The following FTO variants were observed in gnomAD, a reference collection of about 807,000 sequenced individuals.
FTO encodes the protein FTO alpha-ketoglutarate dependent dioxygenase.
In FTO, 47 loss-of-function variants were observed where a neutral mutation model predicts 63.9. The observed-to-expected ratio is 0.74, with a 90% confidence interval of 0.58 to 0.94. The LOEUF (loss-of-function observed/expected upper bound fraction) is 0.94, where lower values mean the gene tolerates loss of function less well. FTO is among the 40% of genes least tolerant of loss of function. FTO has a pLI of 0.00. For missense variants in FTO, 562 were observed against 618.1 expected (o/e 0.91, Z 0.96); for synonymous variants, 207 against 224.4 (o/e 0.92, Z 0.69).
chr16:53,968,044 C>A (rs757413955), intron 8 of FTO, among the ~76,000 whole-genome samples: 5 of 151,992 alleles, frequency 3.3e-5, no homozygotes, highest in Non-Finnish European at 5.9e-5. Context: ...TATTATGCAG[C>A]CTTCATATGT....
intron 8 of FTO, among the ~76,000 whole-genome samples, chr16:54,026,616 G>A (rs1333253196): frequency 6.6e-6 from 1 of 152,162 alleles, no homozygotes; most frequent in African/African-American, 2.4e-5. Context: ...GCAGTTTCTG[G>A]CACAACTCCC....
At chr16:53,769,926 A>G (rs903475443) in intron 1 of FTO, among the ~76,000 whole-genome samples, 11 of 152,070 alleles carry the variant, frequency 7.2e-5, no homozygotes, top group African/African-American at 2.7e-4. Flanking sequence ...AGAAGGGGAA[A>G]AGAGCTGCAG....
At chr16:53,901,811 C>G (rs2081410461) in intron 7 of FTO, among the ~76,000 whole-genome samples, 1 of 152,094 alleles carries the variant, frequency 6.6e-6, no homozygotes, top group African/African-American at 2.4e-5. Context: ...TTCTAAGGCA[C>G]AAGATGTTAA....
chr16:53,746,587 A>G lies in FTO; in HGVS notation c.45+42358A>G, dbSNP rs551720321. Among the ~76,000 whole-genome samples the G allele has an allele frequency of 2.0e-5, 3 of 152,286 alleles. No homozygotes were observed. In the South Asian group the frequency reaches 6.2e-4, roughly 32 times the overall value. On this transcript the variant is annotated intron_variant, in intron 1 of 8. Coordinates refer to ENST00000471389, the MANE Select transcript of FTO (RefSeq NM_001080432.3). Reference sequence around the variant, plus strand: ...AATCATTTTTTATTGTAAATTGCCAAATCATAGTTGTAAATATTATGGGAT... The same window carrying G: ...AATCATTTTTTATTGTAAATTGCCAGATCATAGTTGTAAATATTATGGGAT...
chr16:53,947,706 C>T (rs1376821866), intron 8 of FTO, among the ~76,000 whole-genome samples: 1 of 152,218 alleles, frequency 6.6e-6, no homozygotes, highest in Non-Finnish European at 1.5e-5. Context: ...TATTTCCTCA[C>T]ACGAAGTCTA....
intron 1 of FTO, among the ~76,000 whole-genome samples, chr16:53,795,753 A>G (rs1032404467): frequency 2.0e-5 from 3 of 152,258 alleles, no homozygotes; most frequent in African/African-American, 7.2e-5. Context: ...TACAAAACAA[A>G]AAAATGCCAA....
Position 54,060,833 on chromosome 16 carries a change from A to G in FTO, c.1365-50929A>G, listed in dbSNP as rs557852821. 2.0e-5 allele frequency among the ~76,000 whole-genome samples: 3 copies of G among 152,270 alleles called. No individual in the cohort carries two copies. In the South Asian group the frequency reaches 6.2e-4, roughly 32 times the overall value. ...CACTCCCTTGCTGCTATTCATATTT[A>G]CTTTCTATTCATCATTATCTGCCAT... On this transcript the variant is annotated intron_variant, in intron 8 of 8. Coordinates refer to ENST00000471389, the MANE Select transcript of FTO (RefSeq NM_001080432.3).
intron 7 of FTO, among the ~76,000 whole-genome samples, chr16:53,898,022 T>C (rs2081313945): frequency 6.6e-6 from 1 of 152,218 alleles, no homozygotes; most frequent in African/African-American, 2.4e-5. Flanking sequence ...AAATAGCCTC[T>C]CAACCAGCTT....
chr16:53,884,242 A>G (rs150507949), intron 6 of FTO, among the ~76,000 whole-genome samples: 1 of 152,328 alleles, frequency 6.6e-6, no homozygotes, highest in Non-Finnish European at 1.5e-5. Context: ...TATAAGCAGA[A>G]TCTTCTTCCA....
At chr16:53,902,828 A>G (rs1054673292) in intron 7 of FTO, among the ~76,000 whole-genome samples, 4 of 152,236 alleles carry the variant, frequency 2.6e-5, no homozygotes, top group African/African-American at 7.2e-5. Context: ...AAAGTTATCA[A>G]CGTGGCCGGG....
intron 1 of FTO, among the ~76,000 whole-genome samples, chr16:53,710,822 T>G (rs531344480): frequency 6.6e-6 from 1 of 152,326 alleles, no homozygotes; most frequent in East Asian, 1.9e-4. Context: ...GAATAGTGGC[T>G]TCCCTTTTAG....
At chr16:53,879,215 G>A (rs1337925633) in intron 5 of FTO, among the ~76,000 whole-genome samples, 1 of 152,096 alleles carries the variant, frequency 6.6e-6, no homozygotes, top group Non-Finnish European at 1.5e-5. Context: ...AGTATATATA[G>A]AAAATGTATT....
chr16:54,018,458 A>T lies in FTO; in HGVS notation c.1364+84349A>T, dbSNP rs1373383489. Among the ~76,000 whole-genome samples the T allele has an allele frequency of 2.0e-5, 3 of 151,948 alleles. No homozygotes were observed. In the East Asian group the frequency reaches 5.8e-4, roughly 29 times the overall value. ...CATACATACATACATACATTCATTCATGTGTTTGTGTGTGTGTATGTGTGT... is the reference window on the plus strand; with the variant it reads ...CATACATACATACATACATTCATTCTTGTGTTTGTGTGTGTGTATGTGTGT... On this transcript the variant is annotated intron_variant, in intron 8 of 8. Coordinates refer to ENST00000471389, the MANE Select transcript of FTO (RefSeq NM_001080432.3).
intron 1 of FTO, among the ~76,000 whole-genome samples, chr16:53,735,068 G>A (rs1372922156): frequency 1.3e-5 from 2 of 152,204 alleles, no homozygotes; most frequent in Admixed American, 6.5e-5. Context: ...TAGCAGGGAA[G>A]CAGAATGAAT....
chr16:53,947,315 A>G (rs944397175), intron 8 of FTO, among the ~76,000 whole-genome samples: 2 of 152,192 alleles, frequency 1.3e-5, no homozygotes, highest in Non-Finnish European at 2.9e-5. Flanking sequence ...AGCTGTCTGT[A>G]TTCATTACTT....
intron 1 of FTO, among the ~76,000 whole-genome samples, chr16:53,799,858 T>G (rs2078173468): frequency 6.6e-6 from 1 of 152,238 alleles, no homozygotes; most frequent in Non-Finnish European, 1.5e-5. Flanking sequence ...GCATAAAGTT[T>G]ATAACATCCC....
chr16:53,786,578 A>G (rs2077745689), intron 1 of FTO, among the ~76,000 whole-genome samples: 1 of 152,228 alleles, frequency 6.6e-6, no homozygotes, highest in Non-Finnish European at 1.5e-5. Context: ...GAATGTCTGA[A>G]TTATTATTCT....
chr16:53,850,250 A>C (rs2151830961), intron 4 of FTO, among the ~76,000 whole-genome samples: 1 of 152,322 alleles, frequency 6.6e-6, no homozygotes, highest in East Asian at 1.9e-4. Context: ...GAAACATGAC[A>C]GTATAGTTTC....
chr16:53,849,681 G>A (rs1175157720), intron 4 of FTO, among the ~76,000 whole-genome samples: 2 of 152,180 alleles, frequency 1.3e-5, no homozygotes, highest in Non-Finnish European at 2.9e-5. Context: ...GAGGCAGCAA[G>A]ACCCAGAGCA....
Sources: gnomAD v4.1 joint callset for allele counts (sites outside exome capture counted in the v4.1 genomes callset) on GRCh38, gnomAD v4.1.1 for gene constraint, MANE v1.5 for transcripts, NCBI Gene and HGNC (gene_info 2026-07-23, HGNC 2026-07-21) for gene names.